Variants in LRFN4 observed in about 807,000 individuals in gnomAD.
LRFN4 encodes the protein leucine-rich repeat and fibronectin type-III domain-containing protein 4.
A neutral mutation model predicts 29.0 loss-of-function variants in LRFN4; 10 were observed. The observed-to-expected ratio is 0.35, with a 90% CI of 0.21 to 0.59. The LOEUF is 0.59. Ranked by LOEUF, LRFN4 falls within the 20% of genes least tolerant of loss-of-function variation. LRFN4 has a pLI of 0.82. For missense variants in LRFN4, 850 were observed against 907.9 expected (o/e 0.94, Z 0.82); for synonymous variants, 493 against 437.0 (o/e 1.13, Z -1.60).
At position 66,858,821 on chromosome 11, in the gene LRFN4, G is replaced by A. The variant is rs762653204; in HGVS notation, c.1077G>A (p.Glu359=). Residue 359 remains glutamate, a synonymous_variant, in exon 1 of 2, where the codon GAG becomes GAA. Coordinates refer to ENST00000309602, the MANE Select transcript of LRFN4 (RefSeq NM_024036.5). The surrounding 1 kb of genome is among the most constrained non-coding windows in gnomAD (Gnocchi z 5.9). ...GCATCGCCACCAACCCTGCTGGTGA[G>A]GCCACAGCCCGAGTAGAACTGCGGG... is the stretch of plus-strand genomic sequence containing the variant. ...YTCIATNPAG[E]ATARVELRVL... The A allele has an allele frequency of 1.1e-4, 164 of 1,550,380 alleles. No individual in the cohort carries two copies. In the East Asian group the frequency reaches 3.9e-3, roughly 37 times the overall value.
At position 66,858,605 on chromosome 11, in the gene LRFN4, G is replaced by A. The variant is rs1473685732; in HGVS notation, c.861G>A (p.Thr287=). 2 of 1,535,096 alleles carry A rather than the reference G, an allele frequency of 1.3e-6. No homozygotes were observed. Among genetic ancestry groups the A allele is most frequent in the East Asian group, 2.4e-5 (1 of 40,846 alleles). The part of the protein sequence containing the change: ...SCEPPLIARH[T]QRLWVLEGQR... ...AGCCGCCCCTCATTGCCCGCCACAC[G>A]CAGCGCCTCTGGGTGCTGGAAGGCC... The change falls in exon 1 of 2, where the codon ACG becomes ACA. Residue 287 remains threonine (T), a synonymous_variant. Transcript: ENST00000309602. This position sits in a 1 kb window ranked among gnomAD's most constrained non-coding sequence, Gnocchi z 5.9.
chr11:66,858,980 G>A lies in LRFN4; in HGVS notation c.1236G>A (p.Thr412=), dbSNP rs769166809. 2.6e-5 allele frequency: 40 copies of A among 1,565,300 alleles called. No homozygotes were observed. Among genetic ancestry groups the A allele is most frequent in the Non-Finnish European group, 3.1e-5 (36 of 1,151,960 alleles). ...AGTCTGAGCCAGCCGTGCAGGTGAC[G>A]GAGGTGACCGCCACCTCAGGGCTGG... ...TLESEPAVQV[T]EVTATSGLVS... is the part of the protein sequence containing the mutation. Residue 412 remains threonine, a synonymous_variant, in exon 1 of 2, where the codon ACG becomes ACA. Transcript: ENST00000309602. The surrounding 1 kb of genome is among the most constrained non-coding windows in gnomAD (Gnocchi z 5.9).
rs775204921 is a variant in LRFN4 at position 66,860,011 on chromosome 11, G to GC, written c.1730dup (p.Pro578AlafsTer71). On this transcript the variant is annotated frameshift_variant, in exon 2 of 2. Coordinates refer to ENST00000309602, the MANE Select transcript of LRFN4 (RefSeq NM_024036.5). LOFTEE classifies it high-confidence loss of function. Reference sequence around the variant, plus strand: ...ACACCCAAGGCCCACCCGCCGCGGAGCCCCCCGCCCCGGCCGCAGCGCAGC... The same window carrying GC: ...ACACCCAAGGCCCACCCGCCGCGGAGCCCCCCCGCCCCGGCCGCAGCGCAGC... 6 of 1,589,534 alleles carry GC rather than the reference G, an allele frequency of 3.8e-6. No homozygotes were observed. The highest frequency in any genetic ancestry group is 1.8e-5 in the Admixed American group (1 of 57,140).
intron 1 of LRFN4, 34 bp downstream of exon 1, chr11:66,859,127 C>A (rs770560557): frequency 1.4e-6 from 2 of 1,476,566 alleles, no homozygotes; most frequent in Admixed American, 5.0e-5. Context: ...GGCTGCACTC[C>A]CGGCGCCCTT....
At position 66,860,012 on chromosome 11, in the gene LRFN4, C is replaced by A; in HGVS notation, c.1725C>A (p.Ser575Arg). The A allele has an allele frequency of 1.9e-6, 3 of 1,589,976 alleles. No homozygotes were observed. The highest frequency in any genetic ancestry group is 2.6e-6 in the Non-Finnish European group (3 of 1,168,470). Residue 575 changes from serine (S) to arginine (R), a missense_variant, in exon 2 of 2, where the codon AGC becomes AGA. Coordinates refer to ENST00000309602, the MANE Select transcript of LRFN4 (RefSeq NM_024036.5). Reference protein sequence around the residue: ...SPTPKAHPPRSPPPRPQRSCS... With the variant: ...SPTPKAHPPRRPPPRPQRSCS... ...CACCCAAGGCCCACCCGCCGCGGAG[C>A]CCCCCGCCCCGGCCGCAGCGCAGCT...
At position 66,858,528 on chromosome 11, in the gene LRFN4, G is replaced by A. The variant is rs535268151; in HGVS notation, c.784G>A (p.Gly262Ser). 21 of 1,533,748 alleles carry A rather than the reference G, an allele frequency of 1.4e-5. No homozygotes were observed. The East Asian group carries it at 2.0e-4, about 14-fold the overall frequency. ...DDLETCASPP[G>S]LAGRYFWAVP... is the part of the protein sequence containing the mutation. ...CCTGGAAACGTGCGCCTCCCCGCCC[G>A]GCCTGGCCGGCCGCTACTTCTGGGC... The change falls in exon 1 of 2, where the codon GGC becomes AGC. Residue 262 changes from glycine (G) to serine (S), a missense_variant. This residue lies in a region of LRFN4 where 744 missense variants were observed against 753.8 expected (regional missense o/e 0.99). Coordinates refer to ENST00000309602, the MANE Select transcript of LRFN4 (RefSeq NM_024036.5). This position sits in a 1 kb window ranked among gnomAD's most constrained non-coding sequence, Gnocchi z 5.9.
In LRFN4 at chr11:66,859,928, C is replaced by T; in HGVS notation, c.1641C>T (p.Gly547=). ...LLVRGRGAGN[G]RLPLKLSHVQ... ...TTCGGGGCCGGGGGGCCGGAAATGG[C>T]CGCCTCCCCCTCAAGCTCAGCCACG... is the stretch of plus-strand genomic sequence containing the variant. Residue 547 remains glycine (G), a synonymous_variant, in exon 2 of 2, where the codon GGC becomes GGT. Coordinates refer to ENST00000309602, the MANE Select transcript of LRFN4 (RefSeq NM_024036.5). The T allele has an allele frequency of 6.3e-7, 1 of 1,587,914 alleles. No individual in the cohort carries two copies. Among genetic ancestry groups the T allele is most frequent in the Non-Finnish European group, 8.6e-7 (1 of 1,167,572 alleles).
In LRFN4 at chr11:66,858,791, C is replaced by T. The variant is rs372294508; in HGVS notation, c.1047C>T (p.Tyr349=). Residue 349 remains tyrosine (Y), a synonymous_variant, in exon 1 of 2, where the codon TAC becomes TAT. Coordinates refer to ENST00000309602, the MANE Select transcript of LRFN4 (RefSeq NM_024036.5). The surrounding 1 kb of genome is among the most constrained non-coding windows in gnomAD (Gnocchi z 5.9). ...CCGGCGCTGGGGACGCTGGGGGCTA[C>T]ACCTGCATCGCCACCAACCCTGCTG... is the stretch of plus-strand genomic sequence containing the variant. ...GVTGAGDAGG[Y]TCIATNPAGE... is the part of the protein sequence containing the mutation. The T allele has an allele frequency of 4.6e-5, 72 of 1,549,678 alleles. No homozygotes were observed. Among genetic ancestry groups the T allele is most frequent in the Non-Finnish European group, 5.8e-5 (67 of 1,147,508 alleles).
At position 66,857,791 on chromosome 11, in the gene LRFN4, C is replaced by A. The variant is rs762706215; in HGVS notation, c.47C>A (p.Ala16Asp). 6.3e-7 allele frequency: 1 copy of A among 1,598,020 alleles called. No homozygotes were observed. Among genetic ancestry groups the A allele is most frequent in the South Asian group, 1.1e-5 (1 of 90,990 alleles). The change falls in exon 1 of 2, where the codon GCC becomes GAC. Residue 16 changes from alanine (A) to aspartate (D), a missense_variant. By Grantham distance (126) the Ala-to-Asp change is moderately radical. This residue lies in a region of LRFN4 where 106 missense variants were observed against 154.2 expected (regional missense o/e 0.69). Transcript: ENST00000309602. This position sits in a 1 kb window ranked among gnomAD's most constrained non-coding sequence, Gnocchi z 7.1. ...CTGCTGCTGGCCAGTGGAGCGGCCG[C>A]CTGCCCGCTGCCCTGCGTCTGCCAG... is the stretch of plus-strand genomic sequence containing the variant. The part of the protein sequence containing the change: ...LLLLLASGAA[A>D]CPLPCVCQNL...
At position 66,858,744 on chromosome 11, in the gene LRFN4, G is replaced by T; in HGVS notation, c.1000G>T (p.Gly334Trp). The stretch of plus-strand genomic sequence containing the variant: ...CTCCCGAGCCCGGGCTTTCCCCAAC[G>T]GGACCTTAGAGATTGGGGTGACCGG... The part of the protein sequence containing the change: ...NSSRARAFPN[G>W]TLEIGVTGAG... The change falls in exon 1 of 2, where the codon GGG becomes TGG. Residue 334 changes from glycine to tryptophan, a missense_variant. Around this residue, in one of 2 missense-constraint regions of LRFN4, gnomAD observed 744 missense variants for 753.8 expected, o/e 0.99. Coordinates refer to ENST00000309602, the MANE Select transcript of LRFN4 (RefSeq NM_024036.5). This position sits in a 1 kb window ranked among gnomAD's most constrained non-coding sequence, Gnocchi z 5.9. 1 of 1,553,898 alleles carries T rather than the reference G, an allele frequency of 6.4e-7. No individual in the cohort carries two copies. Among genetic ancestry groups the T allele is most frequent in the East Asian group, 2.4e-5 (1 of 41,500 alleles).
At position 66,857,598 on chromosome 11, in the gene LRFN4, C is replaced by T; in HGVS notation, c.-147C>T. On this transcript the variant is annotated 5_prime_UTR_variant, in exon 1 of 2. Transcript: ENST00000309602. This position sits in a 1 kb window ranked among gnomAD's most constrained non-coding sequence, Gnocchi z 7.1. Reference sequence around the variant, plus strand: ...TGCAGGCCCCAACCTTCCCTCATCTCTGGCGGCCCTCTTGGGCCTCTGACC... The same window carrying T: ...TGCAGGCCCCAACCTTCCCTCATCTTTGGCGGCCCTCTTGGGCCTCTGACC... The T allele has an allele frequency of 1.2e-6, 1 of 830,422 alleles. No individual in the cohort carries two copies. 51.4% of individuals were successfully genotyped at this position (830,422 alleles called of 1,614,324 possible).
At position 66,859,961 on chromosome 11, in the gene LRFN4, C is replaced by T; in HGVS notation, c.1674C>T (p.Ser558=). 6.2e-7 allele frequency: 1 copy of T among 1,601,766 alleles called. No individual in the cohort carries two copies. The highest frequency in any genetic ancestry group is 8.5e-7 in the Non-Finnish European group (1 of 1,174,492). The change falls in exon 2 of 2, where the codon TCC becomes TCT. Residue 558 remains serine (S), a synonymous_variant. Transcript: ENST00000309602. ...CCCTCAAGCTCAGCCACGTCCAGTC[C>T]CAGACCAATGGAGGCCCCAGCCCCA... The part of the protein sequence containing the change: ...RLPLKLSHVQ[S]QTNGGPSPTP...
In LRFN4 at chr11:66,857,663, G is replaced by A; in HGVS notation, c.-82G>A. 1 of 1,432,182 alleles carries A rather than the reference G, an allele frequency of 7.0e-7. No individual in the cohort carries two copies. Among genetic ancestry groups the A allele is most frequent in the Non-Finnish European group, 9.3e-7 (1 of 1,080,162 alleles). 88.7% of individuals were successfully genotyped at this position (1,432,182 alleles called of 1,614,324 possible). A position where few individuals can be genotyped will look rare whatever the true frequency, so the allele number is the denominator to read the frequency against. On this transcript the variant is annotated 5_prime_UTR_variant, in exon 1 of 2. Coordinates refer to ENST00000309602, the MANE Select transcript of LRFN4 (RefSeq NM_024036.5). The surrounding 1 kb of genome is among the most constrained non-coding windows in gnomAD (Gnocchi z 7.1). ...GCCAGGCTCACAGAAGCTGGCTTCT[G>A]GGACTGTCCTGGGCCCAAGTGGGCA...
rs1197120964 is a variant in LRFN4 at position 66,858,494 on chromosome 11, G to A, written c.750G>A (p.Arg250=). The change falls in exon 1 of 2, where the codon CGG becomes CGA. Residue 250 remains arginine (R), a synonymous_variant. Coordinates refer to ENST00000309602, the MANE Select transcript of LRFN4 (RefSeq NM_024036.5). The surrounding 1 kb of genome is among the most constrained non-coding windows in gnomAD (Gnocchi z 5.9). ...CELLWLRRLA[R]PDDLETCASP... The stretch of plus-strand genomic sequence containing the variant: ...TGCTGTGGCTGCGGCGGCTGGCGCG[G>A]CCGGACGACCTGGAAACGTGCGCCT... 2 of 1,538,368 alleles carry A rather than the reference G, an allele frequency of 1.3e-6. No individual in the cohort carries two copies.
At chr11:66,859,145 C>T in intron 1 of LRFN4, 52 bp downstream of exon 1, 1 of 1,470,728 alleles carries the variant, frequency 6.8e-7, no homozygotes, top group Non-Finnish European at 9.0e-7. Flanking sequence ...CTTCCTCCGC[C>T]CTCTGCTCCC....
At position 66,857,854 on chromosome 11, in the gene LRFN4, G is replaced by A; in HGVS notation, c.110G>A (p.Arg37Gln). Residue 37 changes from arginine to glutamine, a missense_variant, in exon 1 of 2, where the codon CGA becomes CAA. Physicochemically the swap from Arg to Gln is conservative, Grantham distance 43. This residue lies in a region of LRFN4 where 106 missense variants were observed against 154.2 expected (regional missense o/e 0.69). Transcript: ENST00000309602. This position sits in a 1 kb window ranked among gnomAD's most constrained non-coding sequence, Gnocchi z 7.1. The stretch of plus-strand genomic sequence containing the variant: ...TCGCTCAGCACCCTCTGTGCCCACC[G>A]AGGCCTGCTGTTTGTGCCGCCCAAC... ...SESLSTLCAH[R>Q]GLLFVPPNVD... 3 of 1,608,694 alleles carry A rather than the reference G, an allele frequency of 1.9e-6. No individual in the cohort carries two copies. The highest frequency in any genetic ancestry group is 2.5e-6 in the Non-Finnish European group (3 of 1,179,882).
rs1361508127 is a variant in LRFN4 at position 66,857,909 on chromosome 11, G to C, written c.165G>C (p.Leu55=). The C allele has an allele frequency of 6.2e-7, 1 of 1,612,200 alleles. No homozygotes were observed. Among genetic ancestry groups the C allele is most frequent in the Non-Finnish European group, 8.5e-7 (1 of 1,179,924 alleles). ...ACCGGCGCACAGTGGAGCTGCGGCT[G>C]GCTGACAACTTCATCCAGGCCCTGG... is the stretch of plus-strand genomic sequence containing the variant. ...NVDRRTVELR[L]ADNFIQALGP... Residue 55 remains leucine (L), a synonymous_variant, in exon 1 of 2, where the codon CTG becomes CTC. Transcript: ENST00000309602. This position sits in a 1 kb window ranked among gnomAD's most constrained non-coding sequence, Gnocchi z 7.1.
At position 66,859,955 on chromosome 11, in the gene LRFN4, C is replaced by G; in HGVS notation, c.1668C>G (p.Val556=). ...GCCTCCCCCTCAAGCTCAGCCACGTCCAGTCCCAGACCAATGGAGGCCCCA... is the reference window on the plus strand; with the variant it reads ...GCCTCCCCCTCAAGCTCAGCCACGTGCAGTCCCAGACCAATGGAGGCCCCA... The part of the protein sequence containing the change: ...NGRLPLKLSH[V]QSQTNGGPSP... The change falls in exon 2 of 2, where the codon GTC becomes GTG. Residue 556 remains valine (V), a synonymous_variant. Transcript: ENST00000309602. 6 of 1,600,648 alleles carry G rather than the reference C, an allele frequency of 3.7e-6. No individual in the cohort carries two copies. The highest frequency in any genetic ancestry group is 5.1e-6 in the Non-Finnish European group (6 of 1,173,960).
Position 66,858,498 on chromosome 11 carries a change from G to T in LRFN4, c.754G>T (p.Asp252Tyr). The T allele has an allele frequency of 6.5e-7, 1 of 1,537,784 alleles. No homozygotes were observed. Among genetic ancestry groups the T allele is most frequent in the Non-Finnish European group, 8.7e-7 (1 of 1,147,838 alleles). ...GTGGCTGCGGCGGCTGGCGCGGCCG[G>T]ACGACCTGGAAACGTGCGCCTCCCC... Reference protein sequence around the residue: ...LLWLRRLARPDDLETCASPPG... With the variant: ...LLWLRRLARPYDLETCASPPG... Residue 252 changes from aspartate (D) to tyrosine (Y), a missense_variant, in exon 1 of 2, where the codon GAC becomes TAC. Physicochemically the swap from Asp to Tyr is radical, Grantham distance 160 (BLOSUM62 -3). Transcript: ENST00000309602. This position sits in a 1 kb window ranked among gnomAD's most constrained non-coding sequence, Gnocchi z 5.9.
Sources: allele counts gnomAD v4.1 joint callset, GRCh38; gene constraint gnomAD v4.1.1; regional missense constraint gnomAD v4.1.1; non-coding constraint Gnocchi (gnomAD v3.1); transcripts MANE v1.5; gene names NCBI Gene and HGNC (gene_info 2026-07-23, HGNC 2026-07-21).